CNBD1: variants seen among roughly 807,000 people sequenced by gnomAD.
The protein encoded by CNBD1 is cyclic nucleotide-binding domain-containing protein 1.
In CNBD1, 71 loss-of-function variants were observed where a neutral mutation model predicts 54.4. That is an observed-to-expected ratio of 1.30 (90% CI 1.08 to 1.59). The LOEUF is 1.59. CNBD1 is among the 40% of genes most tolerant of loss of function. The pLI, the probability that CNBD1 is intolerant of heterozygous loss-of-function variation, is 0.00. For missense variants in CNBD1, 659 were observed against 518.0 expected (o/e 1.27, Z -2.64); for synonymous variants, 182 against 170.7 (o/e 1.07, Z -0.51).
chr8:87,200,158 G>T (rs138724682), intron 4 of CNBD1, among the ~76,000 whole-genome samples: 1 of 152,248 alleles, frequency 6.6e-6, no homozygotes, highest in African/African-American at 2.4e-5. Flanking sequence ...AATCCCAGAT[G>T]AATAGGAGAG....
At chr8:87,094,615 G>A (rs114638244) in intron 4 of CNBD1, among the ~76,000 whole-genome samples, 3,754 of 152,108 alleles carry the variant, frequency 0.025, 159 homozygotes, top group African/African-American at 0.086. Context: ...AGATGATCTG[G>A]TTCCACTGCT....
chr8:87,032,840 C>T (rs1389221506), intron 4 of CNBD1, among the ~76,000 whole-genome samples: 1 of 152,200 alleles, frequency 6.6e-6, no homozygotes, highest in Non-Finnish European at 1.5e-5. Flanking sequence ...TCTGGCACTG[C>T]TTCTTTTACA....
intron 10 of CNBD1, among the ~76,000 whole-genome samples, chr8:87,378,447 A>G (rs1810997296): frequency 6.6e-6 from 1 of 151,042 alleles, no homozygotes; most frequent in Non-Finnish European, 1.5e-5. Flanking sequence ...CAGGTTTTTC[A>G]AAGATCAGAT....
At chr8:87,382,321 T>C (rs1355357147) in intron 10 of CNBD1, among the ~76,000 whole-genome samples, 1 of 151,798 alleles carries the variant, frequency 6.6e-6, no homozygotes, top group Non-Finnish European at 1.5e-5. Context: ...ATTTAAAATA[T>C]CAGCAAGAAA....
At chr8:86,999,421 T>G (rs1190836737) in intron 4 of CNBD1, among the ~76,000 whole-genome samples, 1 of 152,184 alleles carries the variant, frequency 6.6e-6, no homozygotes. Flanking sequence ...ATGCATCTAC[T>G]AGCTGCAGTT....
chr8:86,947,600 A>G (rs1248686573), intron 4 of CNBD1, among the ~76,000 whole-genome samples: 1 of 152,068 alleles, frequency 6.6e-6, no homozygotes, highest in Non-Finnish European at 1.5e-5. Flanking sequence ...AAAGTTTCCA[A>G]ACACTACTTT....
intron 4 of CNBD1, among the ~76,000 whole-genome samples, chr8:87,170,090 A>G (rs769403363): frequency 2.4e-4 from 37 of 152,018 alleles, no homozygotes; most frequent in Non-Finnish European, 5.0e-4. Context: ...TCTTTTATCA[A>G]TGTTTTACAG....
chr8:87,426,477 A>T lies in CNBD1; in HGVS notation c.214-2069A>T, dbSNP rs144277640. Among the ~76,000 whole-genome samples the T allele has an allele frequency of 2.3e-3, 357 of 152,324 alleles. 4 individuals carry two copies. The highest frequency in any genetic ancestry group is 0.01 in the Admixed American group (157 of 15,308). ...GTTCCTACAGTTTCACAACCATAAAATTGAGAGAAATTCTGCACAATTCTG... is the reference window on the plus strand; with the variant it reads ...GTTCCTACAGTTTCACAACCATAAATTTGAGAGAAATTCTGCACAATTCTG... On this transcript the variant is annotated intron_variant, in intron 2 of 7. Coordinates refer to the CNBD1 transcript ENST00000521593.
chr8:86,905,181 CAGG>C lies in CNBD1; in HGVS notation c.264_266del (p.Glu89del). ...ACCCAGACTTCCTAAACTTTTCAAA[CAGG>C]AGGAACAAAGGTAATGATACCTTCT... On this transcript the variant is annotated inframe_deletion, in exon 3 of 11. Coordinates refer to ENST00000518476, the MANE Select transcript of CNBD1 (RefSeq NM_173538.3). 1 of 1,594,394 alleles carries C rather than the reference CAGG, an allele frequency of 6.3e-7. No homozygotes were observed. The highest frequency in any genetic ancestry group is 8.6e-7 in the Non-Finnish European group (1 of 1,163,038).
downstream of CNBD1, among the ~76,000 whole-genome samples, chr8:87,384,792 T>C (rs1279361009): frequency 2.0e-5 from 3 of 152,012 alleles, no homozygotes; most frequent in African/African-American, 7.3e-5. Flanking sequence ...TAGAACAATA[T>C]AGGTAGAGTG....
intron 10 of CNBD1, among the ~76,000 whole-genome samples, chr8:87,373,690 G>A (rs765076155): frequency 6.6e-6 from 1 of 151,676 alleles, no homozygotes; most frequent in African/African-American, 2.4e-5. Flanking sequence ...GCCAATTCAG[G>A]CCAAAAAGCC....
At chr8:87,371,554 A>G (rs1178978819) in intron 10 of CNBD1, among the ~76,000 whole-genome samples, 4 of 152,024 alleles carry the variant, frequency 2.6e-5, no homozygotes, top group Admixed American at 6.6e-5. Flanking sequence ...TTTTAGACCA[A>G]TATCCTTGAT....
At chr8:87,371,291 G>A (rs900148560) in intron 10 of CNBD1, among the ~76,000 whole-genome samples, 39 of 151,912 alleles carry the variant, frequency 2.6e-4, no homozygotes, top group Non-Finnish European at 4.6e-4. Context: ...TGATGGGGAT[G>A]GCATTGAATC....
chr8:86,954,636 G>C (rs1043338698), intron 4 of CNBD1, among the ~76,000 whole-genome samples: 2 of 152,090 alleles, frequency 1.3e-5, no homozygotes, highest in Non-Finnish European at 2.9e-5. Context: ...CACTTTGTAT[G>C]TAAATCTATT....
intron 8 of CNBD1, among the ~76,000 whole-genome samples, chr8:87,297,647 A>G (rs1808904982): frequency 6.6e-6 from 1 of 152,124 alleles, no homozygotes. Context: ...TGACGTTTGA[A>G]TGTCCTTAAT....
At chr8:87,264,050 G>A (rs1179459009) in intron 6 of CNBD1, among the ~76,000 whole-genome samples, 1 of 151,920 alleles carries the variant, frequency 6.6e-6, no homozygotes, top group Non-Finnish European at 1.5e-5. Context: ...ACAACGTGCA[G>A]GTTTGTTACA....
chr8:87,064,302 T>C (rs1190714973), intron 4 of CNBD1, among the ~76,000 whole-genome samples: 6 of 152,028 alleles, frequency 3.9e-5, no homozygotes, highest in Non-Finnish European at 8.8e-5. Flanking sequence ...TCCATCTTGT[T>C]ATCTTTTGTA....
chr8:87,082,788 G>A (rs1334320612), intron 4 of CNBD1, among the ~76,000 whole-genome samples: 6 of 151,990 alleles, frequency 3.9e-5, no homozygotes, highest in African/African-American at 1.4e-4. Flanking sequence ...TTTTCAAAAT[G>A]TTCCATCTGT....
chr8:86,998,559 C>T (rs1808928955), intron 4 of CNBD1, among the ~76,000 whole-genome samples: 1 of 152,112 alleles, frequency 6.6e-6, no homozygotes, highest in Non-Finnish European at 1.5e-5. Context: ...TCCCTTCTAC[C>T]TATATCCACA....
Sources: allele counts gnomAD v4.1 joint callset (sites outside exome capture counted in the v4.1 genomes callset), GRCh38; gene constraint gnomAD v4.1.1; transcripts MANE v1.5; gene names NCBI Gene and HGNC (gene_info 2026-07-23, HGNC 2026-07-21).